Variants in SHISA4 observed in about 807,000 individuals in gnomAD.
SHISA4 encodes the protein protein shisa-4.
A neutral mutation model predicts 24.2 loss-of-function variants in SHISA4; 16 were observed. The ratio of observed to expected loss-of-function variants is 0.66; its 90% CI spans 0.45 to 1.00. SHISA4 has a LOEUF of 1.00. Ranked by LOEUF, SHISA4 falls within the 50% of genes least tolerant of loss-of-function variation. The pLI, the probability that SHISA4 is intolerant of heterozygous loss-of-function variation, is 0.00. For missense variants in SHISA4, 238 were observed against 258.9 expected (o/e 0.92, Z 0.55); for synonymous variants, 106 against 105.4 (o/e 1.01, Z -0.04).
Position 201,891,953 on chromosome 1 carries a change from C to A in SHISA4, c.*107C>A. 2 of 1,384,492 alleles carry A rather than the reference C, an allele frequency of 1.4e-6. No individual in the cohort carries two copies. Among genetic ancestry groups the A allele is most frequent in the Non-Finnish European group, 2.0e-6 (2 of 976,508 alleles). 85.8% of individuals were successfully genotyped at this position (1,384,492 alleles called of 1,614,324 possible). A position where few individuals can be genotyped will look rare whatever the true frequency, so the allele number is the denominator to read the frequency against. ...GGGGTGGCAGGAGTCCTCCAGCCAC[C>A]AGGCCCCAGACCAAGCCAAGCCCTG... On this transcript the variant is annotated 3_prime_UTR_variant, in exon 5 of 5. Coordinates refer to ENST00000362011, the MANE Select transcript of SHISA4 (RefSeq NM_198149.3).
In SHISA4 at chr1:201,892,033, A is replaced by T; in HGVS notation, c.*187A>T. 1 of 639,144 alleles carries T rather than the reference A, an allele frequency of 1.6e-6. No homozygotes were observed. The highest frequency in any genetic ancestry group is 2.7e-6 in the Non-Finnish European group (1 of 366,512). The allele number at this position is 639,144 out of a possible 1,614,324, so 39.6% of individuals were successfully genotyped here. A position where few individuals can be genotyped will look rare whatever the true frequency, so the allele number is the denominator to read the frequency against. On this transcript the variant is annotated 3_prime_UTR_variant, in exon 5 of 5. Coordinates refer to ENST00000362011, the MANE Select transcript of SHISA4 (RefSeq NM_198149.3). ...GTGGAACAGGAGCTGAACTAGAACT[A>T]TGAGGGGTTGGGGGGAGGGCTTGGA...
chr1:201,891,976 C>T lies in SHISA4; in HGVS notation c.*130C>T. The stretch of plus-strand genomic sequence containing the variant: ...ACCAGGCCCCAGACCAAGCCAAGCC[C>T]TGGGCCCTACTGGGGACAGAGCCCC... On this transcript the variant is annotated 3_prime_UTR_variant, in exon 5 of 5. Transcript: ENST00000362011. The T allele has an allele frequency of 9.8e-7, 1 of 1,020,418 alleles. No individual in the cohort carries two copies. The allele number at this position is 1,020,418 out of a possible 1,614,324, so 63.2% of individuals were successfully genotyped here.
rs894940998 is a variant in SHISA4 at position 201,892,516 on chromosome 1, G to A, written c.*670G>A. On this transcript the variant is annotated 3_prime_UTR_variant, in exon 5 of 5. Transcript: ENST00000362011. ...TCCTAAAGACAATGAGGTGAATTTTGCCACAGCTCTGAAGAGATGCTCGTT... is the reference window on the plus strand; with the variant it reads ...TCCTAAAGACAATGAGGTGAATTTTACCACAGCTCTGAAGAGATGCTCGTT... Among the ~76,000 whole-genome samples, 1 of 152,026 alleles carries A rather than the reference G, an allele frequency of 6.6e-6. No individual in the cohort carries two copies. Among genetic ancestry groups the A allele is most frequent in the Non-Finnish European group, 1.5e-5 (1 of 68,012 alleles).
intron 3 of SHISA4, 56 bp downstream of exon 3, chr1:201,890,643 T>C (rs1411751710): frequency 1.9e-6 from 3 of 1,598,578 alleles, no homozygotes; most frequent in Non-Finnish European, 2.6e-6. Flanking sequence ...AGTCCAATAA[T>C]GGGCAGCAGA....
intron 1 of SHISA4, 27 bp from the exon 2 acceptor site, chr1:201,889,418 C>A: frequency 6.2e-7 from 1 of 1,608,810 alleles, no homozygotes; most frequent in Middle Eastern, 1.7e-4. Flanking sequence ...CTGGTGGCCA[C>A]TGGGCACCCC....
At chr1:201,891,661 TC>T (rs1216654764) in intron 4 of SHISA4, 93 bp downstream of exon 4, 180 of 1,533,576 alleles carry the variant, frequency 1.2e-4, no homozygotes, top group Admixed American at 3.4e-4. Flanking sequence ...AGATTCCCTC[TC>T]CCAGACTTCC....
Position 201,889,535 on chromosome 1 carries a change from G to C in SHISA4, c.164G>C (p.Gly55Ala), listed in dbSNP as rs185135797. Residue 55 changes from glycine (G) to alanine (A), a missense_variant, in exon 2 of 5, where the codon GGG becomes GCG. Physicochemically the swap from Gly to Ala is moderately conservative, Grantham distance 60 (BLOSUM62 0). Transcript: ENST00000362011. ...TGCGAGTTCTTCACCTTCTGCTGCG[G>C]GACCTGCTACCATCGGTACTGCTGC... ...FNCEFFTFCC[G>A]TCYHRYCCRD... 26 of 1,614,070 alleles carry C rather than the reference G, an allele frequency of 1.6e-5. No individual in the cohort carries two copies. In the Admixed American group the frequency reaches 2.5e-4, roughly 16 times the overall value.
chr1:201,889,534 G>C lies in SHISA4; in HGVS notation c.163G>C (p.Gly55Arg). 6.2e-7 allele frequency: 1 copy of C among 1,613,998 alleles called. No individual in the cohort carries two copies. Among genetic ancestry groups the C allele is most frequent in the Non-Finnish European group, 8.5e-7 (1 of 1,180,014 alleles). ...CTGCGAGTTCTTCACCTTCTGCTGC[G>C]GGACCTGCTACCATCGGTACTGCTG... Reference protein sequence around the residue: ...FNCEFFTFCCGTCYHRYCCRD... With the variant: ...FNCEFFTFCCRTCYHRYCCRD... The change falls in exon 2 of 5, where the codon GGG becomes CGG. Residue 55 changes from glycine to arginine, a missense_variant. Transcript: ENST00000362011.
chr1:201,889,473 C>T lies in SHISA4; in HGVS notation c.102C>T (p.Tyr34=). The change falls in exon 2 of 5, where the codon TAC becomes TAT. Residue 34 remains tyrosine (Y), a synonymous_variant. Transcript: ENST00000362011. ...TGGCCGGCGAGGACTGCCTGTGGTACCTGGACCGGAATGGCTCCTGGCATC... is the reference window on the plus strand; with the variant it reads ...TGGCCGGCGAGGACTGCCTGTGGTATCTGGACCGGAATGGCTCCTGGCATC... ...LVLAGEDCLW[Y]LDRNGSWHPG... 6.2e-7 allele frequency: 1 copy of T among 1,613,768 alleles called. No individual in the cohort carries two copies. Among genetic ancestry groups the T allele is most frequent in the Non-Finnish European group, 8.5e-7 (1 of 1,180,024 alleles).
intron 2 of SHISA4, 34 bp downstream of exon 2, chr1:201,889,650 T>C (rs1292038665): frequency 5.0e-6 from 8 of 1,608,094 alleles, no homozygotes; most frequent in South Asian, 4.4e-5. Context: ...CACCACCTCC[T>C]CTATCCTTTT....
chr1:201,889,502 G>T lies in SHISA4; in HGVS notation c.131G>T (p.Gly44Val). 6.2e-7 allele frequency: 1 copy of T among 1,613,984 alleles called. No individual in the cohort carries two copies. The highest frequency in any genetic ancestry group is 8.5e-7 in the Non-Finnish European group (1 of 1,180,014). Residue 44 changes from glycine to valine, a missense_variant, in exon 2 of 5, where the codon GGG becomes GTG. Coordinates refer to ENST00000362011, the MANE Select transcript of SHISA4 (RefSeq NM_198149.3). Reference sequence around the variant, plus strand: ...GACCGGAATGGCTCCTGGCATCCGGGGTTTAACTGCGAGTTCTTCACCTTC... The same window carrying T: ...GACCGGAATGGCTCCTGGCATCCGGTGTTTAACTGCGAGTTCTTCACCTTC... ...YLDRNGSWHPGFNCEFFTFCC... is the reference protein window; with the variant it reads ...YLDRNGSWHPVFNCEFFTFCC...
chr1:201,889,035 CA>C lies in SHISA4; in HGVS notation c.43del (p.Ile15SerfsTer52). ...AGLRRAAPLT[A>X]IALLVLGAPL... ...CTCCGCCGGGCCGCGCCGCTCACCG[CA>C]ATCGCTCTGTTGGTGCTGGGGGCTC... On this transcript the variant is annotated frameshift_variant, in exon 1 of 5. Transcript: ENST00000362011. LOFTEE classifies it high-confidence loss of function. The C allele has an allele frequency of 3.6e-6, 5 of 1,381,592 alleles. No homozygotes were observed. The highest frequency in any genetic ancestry group is 4.7e-6 in the Non-Finnish European group (5 of 1,067,370). 85.6% of individuals were successfully genotyped at this position (1,381,592 alleles called of 1,614,324 possible).
At position 201,890,473 on chromosome 1, in the gene SHISA4, A is replaced by G. The variant is rs758224089; in HGVS notation, c.265A>G (p.Ile89Val). Residue 89 changes from isoleucine (I) to valine (V), a missense_variant, in exon 3 of 5, where the codon ATC becomes GTC. Coordinates refer to ENST00000362011, the MANE Select transcript of SHISA4 (RefSeq NM_198149.3). ...LAFSPKTIAGIASAVILFVAV... is the reference protein window; with the variant it reads ...LAFSPKTIAGVASAVILFVAV... Reference sequence around the variant, plus strand: ...CTAAAGCCCCAAGACCATAGCAGGCATCGCCTCAGCTGTGATCCTCTTTGT... The same window carrying G: ...CTAAAGCCCCAAGACCATAGCAGGCGTCGCCTCAGCTGTGATCCTCTTTGT... 2 of 1,614,238 alleles carry G rather than the reference A, an allele frequency of 1.2e-6. No homozygotes were observed. Among genetic ancestry groups the G allele is most frequent in the South Asian group, 1.1e-5 (1 of 91,086 alleles).
At position 201,892,075 on chromosome 1, in the gene SHISA4, A is replaced by C. The variant is rs1681111541; in HGVS notation, c.*229A>C. 2 of 541,072 alleles carry C rather than the reference A, an allele frequency of 3.7e-6. No homozygotes were observed. Among genetic ancestry groups the C allele is most frequent in the Non-Finnish European group, 6.6e-6 (2 of 301,730 alleles). The allele number at this position is 541,072 out of a possible 1,614,324, so 33.5% of individuals were successfully genotyped here. A position where few individuals can be genotyped will look rare whatever the true frequency, so the allele number is the denominator to read the frequency against. ...GGGCTTGGAATTATGGGCTATTTTTACTGGGGGCAAGGGAGGGAGATGACA... is the reference window on the plus strand; with the variant it reads ...GGGCTTGGAATTATGGGCTATTTTTCCTGGGGGCAAGGGAGGGAGATGACA... On this transcript the variant is annotated 3_prime_UTR_variant, in exon 5 of 5. Transcript: ENST00000362011.
chr1:201,891,394 C>A lies in SHISA4; in HGVS notation c.380-7C>A, dbSNP rs755559758. 2 of 1,613,876 alleles carry A rather than the reference C, an allele frequency of 1.2e-6. No individual in the cohort carries two copies. The highest frequency in any genetic ancestry group is 1.7e-6 in the Non-Finnish European group (2 of 1,179,894). ...TCTCTGAATGCTGATCCTTCTCCCCCATCTAGGCCAGGAGATTCCAATGAC... is the reference window on the plus strand; with the variant it reads ...TCTCTGAATGCTGATCCTTCTCCCCAATCTAGGCCAGGAGATTCCAATGAC... On this transcript the variant is annotated splice_region_variant and splice_polypyrimidine_tract_variant and intron_variant, in intron 3 of 4. Coordinates refer to ENST00000362011, the MANE Select transcript of SHISA4 (RefSeq NM_198149.3).
At position 201,889,133 on chromosome 1, in the gene SHISA4, G is replaced by A. The variant is rs559674014; in HGVS notation, c.73+66G>A. 10 of 1,345,566 alleles carry A rather than the reference G, an allele frequency of 7.4e-6. No homozygotes were observed. In the African/African-American group the frequency reaches 8.9e-5, roughly 12 times the overall value. The allele number at this position is 1,345,566 out of a possible 1,614,324, so 83.4% of individuals were successfully genotyped here. A position where few individuals can be genotyped will look rare whatever the true frequency, so the allele number is the denominator to read the frequency against. On this transcript the variant is annotated intron_variant, in intron 1 of 4. Transcript: ENST00000362011. Reference sequence around the variant, plus strand: ...GCGGAGGAAGGGGAGGGACCGATCCGAGGGGCTTGGGCTCGGGGCTTCTCC... The same window carrying A: ...GCGGAGGAAGGGGAGGGACCGATCCAAGGGGCTTGGGCTCGGGGCTTCTCC...
rs576516284 is a variant in SHISA4, at chr1:201,891,662, C to G, written c.547+94C>G. On this transcript the variant is annotated intron_variant, in intron 4 of 4. Coordinates refer to ENST00000362011, the MANE Select transcript of SHISA4 (RefSeq NM_198149.3). Reference sequence around the variant, plus strand: ...CCTCTCTCATTCTCAGATTCCCTCTCCCAGACTTCCTCCACCTCTAGCCCG... The same window carrying G: ...CCTCTCTCATTCTCAGATTCCCTCTGCCAGACTTCCTCCACCTCTAGCCCG... 864 of 1,534,474 alleles carry G rather than the reference C, an allele frequency of 5.6e-4. 2 individuals carry two copies. Among genetic ancestry groups the G allele is most frequent in the Middle Eastern group, 2.1e-3 (12 of 5,838 alleles).
Position 201,889,029 on chromosome 1 carries a change from T to C in SHISA4, c.35T>C (p.Leu12Pro). The change falls in exon 1 of 5, where the codon CTC (leucine) becomes CCC (proline). Residue 12 changes from leucine (L) to proline (P), a missense_variant. By Grantham distance (98) the Leu-to-Pro change is moderately conservative (BLOSUM62 -3). Transcript: ENST00000362011. ...PPAGLRRAAP[L>P]TAIALLVLGA... ...GCGGGGCTCCGCCGGGCCGCGCCGC[T>C]CACCGCAATCGCTCTGTTGGTGCTG... The C allele has an allele frequency of 7.3e-7, 1 of 1,379,094 alleles. No individual in the cohort carries two copies. Among genetic ancestry groups the C allele is most frequent in the Non-Finnish European group, 9.4e-7 (1 of 1,066,610 alleles). 85.4% of individuals were successfully genotyped at this position (1,379,094 alleles called of 1,614,324 possible).
At position 201,892,042 on chromosome 1, in the gene SHISA4, TG is replaced by T. The variant is rs999547371; in HGVS notation, c.*202del. ...GAGCTGAACTAGAACTATGAGGGGT[TG>T]GGGGGAGGGCTTGGAATTATGGGCT... On this transcript the variant is annotated 3_prime_UTR_variant, in exon 5 of 5. Coordinates refer to ENST00000362011, the MANE Select transcript of SHISA4 (RefSeq NM_198149.3). The T allele has an allele frequency of 6.4e-6, 4 of 622,830 alleles. No individual in the cohort carries two copies. Among genetic ancestry groups the T allele is most frequent in the Non-Finnish European group, 8.4e-6 (3 of 355,048 alleles). 38.6% of individuals were successfully genotyped at this position (622,830 alleles called of 1,614,324 possible). A position where few individuals can be genotyped will look rare whatever the true frequency, so the allele number is the denominator to read the frequency against.
Sources: allele counts gnomAD v4.1 joint callset (sites outside exome capture counted in the v4.1 genomes callset), GRCh38; gene constraint gnomAD v4.1.1; transcripts MANE v1.5; gene names NCBI Gene and HGNC (gene_info 2026-07-23, HGNC 2026-07-21).